ZFP82: variants seen among roughly 807,000 people sequenced by gnomAD.
The protein encoded by ZFP82 is zinc finger protein 82 homolog.
A neutral mutation model predicts 54.0 loss-of-function variants in ZFP82; 30 were observed. The observed-to-expected ratio is 0.56, with a 90% confidence interval of 0.42 to 0.75. The LOEUF (loss-of-function observed/expected upper bound fraction) is 0.75, where lower values mean the gene tolerates loss of function less well. ZFP82 is among the 30% of genes least tolerant of loss of function. ZFP82 has a pLI of 0.00. For missense variants in ZFP82, 500 were observed against 636.8 expected, an observed-to-expected ratio of 0.79 and a Z score of 2.31; for synonymous variants, 194 against 209.5, an observed-to-expected ratio of 0.93 and a Z score of 0.64.
rs1200313084 is a variant in ZFP82, at chr19:36,391,994, T to C, written c.*747A>G. The stretch of plus-strand genomic sequence containing the variant: ...ACAACAACCATTTTATTATATCTCA[T>C]GTTTTTGTGGGTCAGAAATTTGGGC... On this transcript the variant is annotated 3_prime_UTR_variant, in exon 5 of 5. Transcript: ENST00000392161. 1.7e-5 allele frequency: 2 copies of C among 117,548 alleles called. No individual in the cohort carries two copies. Among genetic ancestry groups the C allele is most frequent in the African/African-American group, 3.5e-5 (1 of 28,498 alleles). The allele number at this position is 117,548 out of a possible 1,614,324, so 7.3% of individuals were successfully genotyped here.
intron 3 of ZFP82, among the ~76,000 whole-genome samples, chr19:36,406,430 A>G (rs528422815): frequency 1.4e-3 from 213 of 152,278 alleles, no homozygotes; most frequent in African/African-American, 5.0e-3. Context: ...CCAGACAACC[A>G]TTGATCTTCT....
intron 4 of ZFP82, chr19:36,394,319 A>AATGTGGGAAGGC: frequency 1.9e-6 from 1 of 523,398 alleles, no homozygotes. Flanking sequence ...TGAAGTAAAC[A>AATGTGGGAAGGC]TTTTAAGTCA....
intron 4 of ZFP82, chr19:36,395,002 C>T (rs2032270161): frequency 6.6e-6 from 1 of 152,316 alleles, no homozygotes; most frequent in African/African-American, 2.4e-5. Flanking sequence ...TAGCTACATA[C>T]TTGTTCTAAA....
chr19:36,417,718 G>A (rs895461894), intron 1 of ZFP82, among the ~76,000 whole-genome samples: 2 of 152,062 alleles, frequency 1.3e-5, no homozygotes, highest in Non-Finnish European at 2.9e-5. Flanking sequence ...GAAAGGCCAG[G>A]GTCATGGATG....
At chr19:36,401,963 C>A (rs567933788) in intron 4 of ZFP82, among the ~76,000 whole-genome samples, 1 of 152,136 alleles carries the variant, frequency 6.6e-6, no homozygotes, top group African/African-American at 2.4e-5. Flanking sequence ...GTTATTTATA[C>A]TTTAATCAAA....
rs1244860012 is a variant in ZFP82 at position 36,389,891 on chromosome 19, C to G, written c.*2850G>C. Among the ~76,000 whole-genome samples, 1 of 152,096 alleles carries G rather than the reference C, an allele frequency of 6.6e-6. No individual in the cohort carries two copies. Among genetic ancestry groups the G allele is most frequent in the East Asian group, 1.9e-4 (1 of 5,192 alleles). On this transcript the variant is annotated 3_prime_UTR_variant, in exon 5 of 5. Coordinates refer to ENST00000392161, the MANE Select transcript of ZFP82 (RefSeq NM_133466.4). The stretch of plus-strand genomic sequence containing the variant: ...CCATACTCCCAACTATCTCCTTTAC[C>G]AAACTCTCATACACCAATTCAATAT...
At chr19:36,404,231 G>A in intron 4 of ZFP82, among the ~76,000 whole-genome samples, 1 of 152,118 alleles carries the variant, frequency 6.6e-6, no homozygotes, top group Non-Finnish European at 1.5e-5. Flanking sequence ...CCCTCTTTTG[G>A]CTAAAGACCC....
Position 36,392,930 on chromosome 19 carries a change from G to A in ZFP82, c.1410C>T (p.Ser470=), listed in dbSNP as rs1568482930. ...CAAAGGGTTTTTCGCCAGTATGAAT[G>A]CTCTGATGTAGAGTAAGTTTTTGGC... is the stretch of plus-strand genomic sequence containing the variant. The part of the protein sequence containing the change: ...RLRQKLTLHQ[S]IHTGEKPFEC... Residue 470 remains serine, a synonymous_variant, in exon 5 of 5, where the codon AGC becomes AGT. Coordinates refer to ENST00000392161, the MANE Select transcript of ZFP82 (RefSeq NM_133466.4). 3 of 1,613,620 alleles carry A rather than the reference G, an allele frequency of 1.9e-6. No individual in the cohort carries two copies. Among genetic ancestry groups the A allele is most frequent in the Admixed American group, 1.7e-5 (1 of 59,980 alleles).
chr19:36,414,025 C>T (rs1054255373), intron 1 of ZFP82, among the ~76,000 whole-genome samples: 6 of 151,850 alleles, frequency 4.0e-5, no homozygotes, highest in African/African-American at 9.7e-5. Flanking sequence ...CTCAGCCTCC[C>T]GAGTAGCTGG....
At chr19:36,409,994 C>T in intron 1 of ZFP82, 127 bp from the exon 2 acceptor site, 1 of 564,388 alleles carries the variant, frequency 1.8e-6, no homozygotes, top group South Asian at 2.2e-5. Flanking sequence ...CACACGCGCG[C>T]ACACACACAT....
chr19:36,416,652 T>TTCTCC (rs2032674566), intron 1 of ZFP82, among the ~76,000 whole-genome samples: 1 of 142,654 alleles, frequency 7.0e-6, no homozygotes, highest in African/African-American at 2.6e-5. Context: ...GCTACTAGGG[T>TTCTCC]GGCTGAGGCA....
Position 36,393,135 on chromosome 19 carries a change from G to T in ZFP82, c.1205C>A (p.Ala402Asp). The stretch of plus-strand genomic sequence containing the variant: ...AATAAGTTGTGAGTAGCGACTAAAG[G>T]CTTTCCAGCATTCCTTACATTCGTA... Reference protein sequence around the residue: ...KPYECKECWKAFSRYSQLISH... With the variant: ...KPYECKECWKDFSRYSQLISH... Residue 402 changes from alanine to aspartate, a missense_variant, in exon 5 of 5, where the codon GCC becomes GAC. Physicochemically the swap from Ala to Asp is moderately radical, Grantham distance 126. Transcript: ENST00000392161. 1 of 1,613,842 alleles carries T rather than the reference G, an allele frequency of 6.2e-7. No individual in the cohort carries two copies. Among genetic ancestry groups the T allele is most frequent in the Non-Finnish European group, 8.5e-7 (1 of 1,179,958 alleles).
In ZFP82 at chr19:36,392,922, G is replaced by A; in HGVS notation, c.1418C>T (p.Thr473Ile). The change falls in exon 5 of 5, where the codon ACT becomes ATT. Residue 473 changes from threonine to isoleucine, a missense_variant. Transcript: ENST00000392161. ...CTTACACTCAAAGGGTTTTTCGCCA[G>A]TATGAATGCTCTGATGTAGAGTAAG... ...QKLTLHQSIH[T>I]GEKPFECKEC... 1 of 1,613,714 alleles carries A rather than the reference G, an allele frequency of 6.2e-7. No homozygotes were observed. Among genetic ancestry groups the A allele is most frequent in the Non-Finnish European group, 8.5e-7 (1 of 1,179,850 alleles).
intron 3 of ZFP82, among the ~76,000 whole-genome samples, chr19:36,406,939 T>C (rs898189542): frequency 1.3e-5 from 2 of 152,234 alleles, no homozygotes; most frequent in Admixed American, 1.3e-4. Context: ...TCATTTCTTT[T>C]CTTTGTAGTG....
At position 36,388,753 on chromosome 19, in the gene ZFP82, T is replaced by A. The variant is rs183139926; in HGVS notation, c.*3988A>T. On this transcript the variant is annotated 3_prime_UTR_variant, in exon 5 of 5. Coordinates refer to ENST00000392161, the MANE Select transcript of ZFP82 (RefSeq NM_133466.4). ...TTTATTAACTATTCCATTAATTTAT[T>A]TGATCATATAAACTACTTGCTGTTA... is the stretch of plus-strand genomic sequence containing the variant. Among the ~76,000 whole-genome samples, 27 of 152,348 alleles carry A rather than the reference T, an allele frequency of 1.8e-4. No homozygotes were observed. The East Asian group carries it at 3.5e-3, about 20-fold the overall frequency.
chr19:36,386,521 C>T (rs571937546), downstream of ZFP82, among the ~76,000 whole-genome samples: 1 of 152,360 alleles, frequency 6.6e-6, no homozygotes, highest in East Asian at 1.9e-4. Flanking sequence ...CAACCTGTGA[C>T]AGATGCTCTA....
At chr19:36,396,189 A>G (rs2145582393) in intron 4 of ZFP82, 1 of 152,024 alleles carries the variant, frequency 6.6e-6, no homozygotes, top group African/African-American at 2.4e-5. Flanking sequence ...TACAGGCATG[A>G]GCCAGGCCAC....
chr19:36,397,039 T>A (rs2032306782), intron 4 of ZFP82, among the ~76,000 whole-genome samples: 1 of 149,704 alleles, frequency 6.7e-6, no homozygotes. Flanking sequence ...TTAACCGATA[T>A]AAAAGCAGAA....
intron 4 of ZFP82, among the ~76,000 whole-genome samples, chr19:36,402,741 A>C (rs1379580284): frequency 6.6e-6 from 1 of 152,142 alleles, no homozygotes; most frequent in East Asian, 1.9e-4. Flanking sequence ...CACGCCTGTA[A>C]TTCCAGTACT....
Sources: gnomAD v4.1 joint callset for allele counts (sites outside exome capture counted in the v4.1 genomes callset) on GRCh38, gnomAD v4.1.1 for gene constraint, MANE v1.5 for transcripts, NCBI Gene and HGNC (gene_info 2026-07-23, HGNC 2026-07-21) for gene names.